Variants in MICAL2 observed in about 807,000 individuals in gnomAD.
MICAL2 encodes the protein [F-actin]-monooxygenase MICAL2.
In MICAL2, 77 loss-of-function variants were observed where a neutral mutation model predicts 127.3. That is an observed-to-expected ratio of 0.60 (90% CI 0.50 to 0.73). The LOEUF (loss-of-function observed/expected upper bound fraction) is 0.73. Among genes scored for constraint, MICAL2 ranks in the 30% least tolerant of loss-of-function variants. The pLI, the probability that MICAL2 is intolerant of heterozygous loss-of-function variation, is 0.00. For missense variants in MICAL2, 1,351 were observed against 1,434.4 expected (o/e 0.94, Z 0.94); for synonymous variants, 570 against 551.1 (o/e 1.03, Z -0.48).
intron 3 of MICAL2, among the ~76,000 whole-genome samples, chr11:12,167,055 G>C (rs564426396): frequency 4.6e-5 from 7 of 152,150 alleles, no homozygotes; most frequent in Middle Eastern, 3.4e-3. Flanking sequence ...AGAGGGTCTC[G>C]TACTCAAACA....
chr11:12,296,448 A>C (rs1863986403), downstream of MICAL2, among the ~76,000 whole-genome samples: 1 of 151,178 alleles, frequency 6.6e-6, no homozygotes, highest in Non-Finnish European at 1.5e-5. Flanking sequence ...ATAATAAATT[A>C]ATAAACTATT....
intron 1 of MICAL2, among the ~76,000 whole-genome samples, chr11:12,279,113 G>C (rs566208856): frequency 6.6e-6 from 1 of 152,302 alleles, no homozygotes; most frequent in Admixed American, 6.5e-5. Context: ...GAAGGAGCTA[G>C]CAAAACCCAC....
chr11:12,258,958 C>T (rs1374452713), intron 25 of MICAL2, among the ~76,000 whole-genome samples: 1 of 152,234 alleles, frequency 6.6e-6, no homozygotes, highest in Non-Finnish European at 1.5e-5. Flanking sequence ...CAAGTCCTCT[C>T]CCAGGCTCTC....
At chr11:12,327,533 G>A (rs1310035763) in intron 32 of MICAL2, among the ~76,000 whole-genome samples, 1 of 152,202 alleles carries the variant, frequency 6.6e-6, no homozygotes, top group Non-Finnish European at 1.5e-5. Flanking sequence ...CTGGGCGTCT[G>A]TTCAGCCCCA....
intron 15 of MICAL2, among the ~76,000 whole-genome samples, chr11:12,235,858 G>A (rs1172614711): frequency 6.6e-6 from 1 of 152,230 alleles, no homozygotes; most frequent in Non-Finnish European, 1.5e-5. Flanking sequence ...TCCCTGCCCT[G>A]CCTATGTCAC....
chr11:12,125,948 T>C (rs946845139), intron 1 of MICAL2, among the ~76,000 whole-genome samples: 2 of 152,152 alleles, frequency 1.3e-5, no homozygotes, highest in African/African-American at 4.8e-5. Context: ...GTGGAGTGAG[T>C]GACTCACCTG....
At chr11:12,290,988 T>C (rs962248185), downstream of MICAL2, among the ~76,000 whole-genome samples, 7 of 152,086 alleles carry the variant, frequency 4.6e-5, no homozygotes, top group Non-Finnish European at 1.0e-4. Flanking sequence ...CAGGGGATTG[T>C]GTTGCGCTAA....
intron 1 of MICAL2, among the ~76,000 whole-genome samples, chr11:12,277,564 G>C (rs1863735065): frequency 6.6e-6 from 1 of 152,220 alleles, no homozygotes; most frequent in Non-Finnish European, 1.5e-5. Flanking sequence ...AGTGACAACA[G>C]CTAGTGACAG....
intron 3 of MICAL2, among the ~76,000 whole-genome samples, chr11:12,200,719 C>G (rs896189735): frequency 6.6e-6 from 1 of 152,154 alleles, no homozygotes; most frequent in Non-Finnish European, 1.5e-5. Context: ...GGTGGGAAAA[C>G]CGAGCTTTCG....
intron 2 of MICAL2, among the ~76,000 whole-genome samples, chr11:12,151,055 C>G (rs1340253090): frequency 6.6e-6 from 1 of 152,122 alleles, no homozygotes; most frequent in Non-Finnish European, 1.5e-5. Flanking sequence ...TACTTAGTGA[C>G]TCAGAAGCCC....
intron 3 of MICAL2, among the ~76,000 whole-genome samples, chr11:12,183,874 G>A (rs1263116300): frequency 6.6e-6 from 1 of 152,064 alleles, no homozygotes; most frequent in Admixed American, 6.5e-5. Context: ...CCATCTCCTG[G>A]GCTCAAGTGA....
At chr11:12,259,068 T>C (rs1862738922) in intron 25 of MICAL2, among the ~76,000 whole-genome samples, 1 of 152,244 alleles carries the variant, frequency 6.6e-6, no homozygotes, top group South Asian at 2.1e-4. Flanking sequence ...GCTTGATTAA[T>C]CATCTACCAC....
In MICAL2 at chr11:12,330,822, G is replaced by A. The variant is rs66907611; in HGVS notation, c.5515+3556G>A. Among the ~76,000 whole-genome samples, 858 of 128,880 alleles carry A rather than the reference G, an allele frequency of 6.7e-3. 19 individuals carry two copies. Among genetic ancestry groups the A allele is most frequent in the East Asian group, 0.024 (101 of 4,228 alleles). 84.6% of individuals were successfully genotyped at this position (128,880 alleles called of 152,430 possible). ...GAGAGAGACAGAGAGAGAGAGAGAG[G>A]GAGAGACAGACAGAGAGAGAGAGAG... On this transcript the variant is annotated intron_variant, in intron 32 of 34. Coordinates refer to the MICAL2 transcript ENST00000646065.
intron 3 of MICAL2, among the ~76,000 whole-genome samples, chr11:12,198,603 C>T (rs1410580085): frequency 3.9e-5 from 6 of 152,162 alleles, no homozygotes; most frequent in Non-Finnish European, 8.8e-5. Context: ...TGCAGAGCCA[C>T]ACCAGGAAGT....
intron 26 of MICAL2, chr11:12,262,126 G>A (rs1215623870): frequency 2.6e-6 from 3 of 1,160,356 alleles, no homozygotes; most frequent in East Asian, 1.2e-4. Flanking sequence ...CCTTTCTGGT[G>A]GGCAGCACCG....
At chr11:12,117,742 T>C (rs562927321) in intron 1 of MICAL2, among the ~76,000 whole-genome samples, 2 of 152,246 alleles carry the variant, frequency 1.3e-5, no homozygotes, top group East Asian at 3.9e-4. Flanking sequence ...ATCAGCTCCA[T>C]GTATCAGGAC....
chr11:12,138,167 G>A (rs891214034), intron 1 of MICAL2, among the ~76,000 whole-genome samples: 1 of 152,220 alleles, frequency 6.6e-6, no homozygotes, highest in Non-Finnish European at 1.5e-5. Context: ...TGCCCTGACT[G>A]CAGCCAACAA....
At chr11:12,222,823 A>G in intron 11 of MICAL2, 80 bp downstream of exon 11, 3 of 1,563,280 alleles carry the variant, frequency 1.9e-6, no homozygotes, top group Non-Finnish European at 2.6e-6. Flanking sequence ...GGTCACATTA[A>G]ATTTTGGTCC....
At chr11:12,292,420 C>A, downstream of MICAL2, 1 of 1,030,370 alleles carries the variant, frequency 9.7e-7, no homozygotes, top group Non-Finnish European at 1.4e-6. Flanking sequence ...AAAGCCAGCG[C>A]CAGAAGATAC....
Sources: allele counts gnomAD v4.1 joint callset (sites outside exome capture counted in the v4.1 genomes callset), GRCh38; gene constraint gnomAD v4.1.1; transcripts MANE v1.5; gene names NCBI Gene and HGNC (gene_info 2026-07-23, HGNC 2026-07-21).